Variants in AMOTL1 observed in about 807,000 individuals in gnomAD.
AMOTL1 encodes the protein angiomotin-like protein 1.
AMOTL1 carries 45 observed loss-of-function variants against 102.9 expected under a neutral mutation model. That is an observed-to-expected ratio of 0.44 (90% CI 0.34 to 0.56). The LOEUF (loss-of-function observed/expected upper bound fraction) is 0.56, where lower values mean the gene tolerates loss of function less well. Among genes scored for constraint, AMOTL1 ranks in the 20% least tolerant of loss-of-function variants. The pLI, the probability that AMOTL1 is intolerant of heterozygous loss-of-function variation, is 0.01. For synonymous variants in AMOTL1, 481 were observed against 484.7 expected (o/e 0.99, Z 0.10); for missense variants, 1,114 against 1,225.6 (o/e 0.91, Z 1.36).
intron 8 of AMOTL1, among the ~76,000 whole-genome samples, chr11:94,856,847 CT>C (rs933717016): frequency 5.3e-5 from 8 of 152,338 alleles, no homozygotes; most frequent in Admixed American, 1.3e-4. Flanking sequence ...GCTTAGAGTT[CT>C]TGTTGAATCA....
intron 11 of AMOTL1, 76 bp downstream of exon 11, chr11:94,866,244 G>A: frequency 7.1e-7 from 1 of 1,402,902 alleles, no homozygotes; most frequent in Non-Finnish European, 9.9e-7. Context: ...ATGGGACACG[G>A]AAATGTCCCT....
At position 94,803,612 on chromosome 11, in the gene AMOTL1, A is replaced by G. The variant is rs529129445; in HGVS notation, c.1121+3301A>G. On this transcript the variant is annotated intron_variant, in intron 3 of 12. Coordinates refer to ENST00000433060, the MANE Select transcript of AMOTL1 (RefSeq NM_130847.3). ...TGTGACCACTCCCAACCCCCCAAGC[A>G]AAGGCAAGCATTTGGATATTACTTA... 3.3e-5 allele frequency among the ~76,000 whole-genome samples: 5 copies of G among 152,342 alleles called. 1 individual carries two copies. In the South Asian group the frequency reaches 1.0e-3, roughly 32 times the overall value.
chr11:94,821,872 ATGGGG>A, intron 4 of AMOTL1, 51 bp downstream of exon 4: 1 of 1,589,878 alleles, frequency 6.3e-7, no homozygotes, highest in East Asian at 2.2e-5. Context: ...TTACCTGGTC[ATGGGG>A]AGTTGATGCA....
intron 9 of AMOTL1, among the ~76,000 whole-genome samples, chr11:94,864,359 T>C (rs1565387141): frequency 6.6e-6 from 1 of 152,202 alleles, no homozygotes; most frequent in Admixed American, 6.5e-5. Flanking sequence ...ATACATAATG[T>C]AGTCAGAAGG....
At chr11:94,780,358 T>C (rs796072969) in intron 1 of AMOTL1, among the ~76,000 whole-genome samples, 57 of 152,346 alleles carry the variant, frequency 3.7e-4, no homozygotes, top group African/African-American at 1.3e-3. Flanking sequence ...GACAATACCA[T>C]GTAGCCTTTT....
chr11:94,793,667 A>T (rs1274260859), intron 1 of AMOTL1, among the ~76,000 whole-genome samples: 1 of 152,184 alleles, frequency 6.6e-6, no homozygotes, highest in African/African-American at 2.4e-5. Context: ...GACGTAGAGG[A>T]TGATGCCCGG....
At chr11:94,712,364 A>G (rs1385058280) in intron 1 of AMOTL1, among the ~76,000 whole-genome samples, 2 of 152,110 alleles carry the variant, frequency 1.3e-5, no homozygotes, top group African/African-American at 4.8e-5. Context: ...TGAATTAAAG[A>G]TTTAAATGTA....
At chr11:94,819,805 C>T (rs188624894) in intron 3 of AMOTL1, among the ~76,000 whole-genome samples, 2 of 152,174 alleles carry the variant, frequency 1.3e-5, no homozygotes, top group Non-Finnish European at 2.9e-5. Flanking sequence ...TGAGATCTGT[C>T]TCAGATACTT....
At chr11:94,776,406 T>C (rs978992264) in intron 1 of AMOTL1, among the ~76,000 whole-genome samples, 1 of 152,236 alleles carries the variant, frequency 6.6e-6, no homozygotes, top group African/African-American at 2.4e-5. Context: ...CCTGGACTAT[T>C]GTGATAGCCA....
intron 3 of AMOTL1, among the ~76,000 whole-genome samples, chr11:94,758,775 CTG>C (rs975068230): frequency 3.9e-5 from 6 of 152,188 alleles, no homozygotes; most frequent in Admixed American, 3.3e-4. Context: ...ATTTGAATGA[CTG>C]TGAAAACATG....
chr11:94,728,953 A>C, exon 2 of AMOTL1: 12 of 1,287,784 alleles, frequency 9.3e-6, no homozygotes, highest in Non-Finnish European at 1.1e-5. Context: ...AAAGCTATAC[A>C]TACAAGGGGC....
chr11:94,776,277 C>T (rs77491961), intron 1 of AMOTL1, among the ~76,000 whole-genome samples: 7,645 of 152,254 alleles, frequency 0.05, 480 homozygotes, highest in East Asian at 0.28. Flanking sequence ...TCTCCTTGCC[C>T]ACCCTACATC....
chr11:94,822,712 A>T (rs775847982), intron 4 of AMOTL1, among the ~76,000 whole-genome samples: 2 of 152,168 alleles, frequency 1.3e-5, no homozygotes, highest in South Asian at 2.1e-4. Context: ...TTACAGATTT[A>T]TGCTGAGAGC....
Position 94,850,188 on chromosome 11 carries a change from C to G in AMOTL1, c.1723C>G (p.Arg575Gly). The G allele has an allele frequency of 6.3e-7, 1 of 1,593,634 alleles. No individual in the cohort carries two copies. Among genetic ancestry groups the G allele is most frequent in the Non-Finnish European group, 8.5e-7 (1 of 1,169,804 alleles). ...AGTGCGGACTGCAAGTGAGGACCAT[C>G]GGAGACACATCGAGATCCTGGACCA... is the stretch of plus-strand genomic sequence containing the variant. ...AAVRTASEDH[R>G]RHIEILDQAL... Residue 575 changes from arginine (R) to glycine (G), a missense_variant, in exon 7 of 13, where the codon CGG becomes GGG. Transcript: ENST00000433060.
At chr11:94,767,662 C>T (rs1271207246), upstream of AMOTL1, among the ~76,000 whole-genome samples, 1 of 152,126 alleles carries the variant, frequency 6.6e-6, no homozygotes, top group Admixed American at 6.5e-5. Flanking sequence ...CAGTATAAAC[C>T]AATATAATGA....
In AMOTL1 at chr11:94,850,188, C is replaced by T. The variant is rs199710090; in HGVS notation, c.1723C>T (p.Arg575Trp). 3.6e-5 allele frequency: 58 copies of T among 1,593,634 alleles called. No individual in the cohort carries two copies. The highest frequency in any genetic ancestry group is 2.3e-4 in the East Asian group (10 of 44,174). Reference protein sequence around the residue: ...AAVRTASEDHRRHIEILDQAL... With the variant: ...AAVRTASEDHWRHIEILDQAL... ...AGTGCGGACTGCAAGTGAGGACCATCGGAGACACATCGAGATCCTGGACCA... is the reference window on the plus strand; with the variant it reads ...AGTGCGGACTGCAAGTGAGGACCATTGGAGACACATCGAGATCCTGGACCA... Residue 575 changes from arginine (R) to tryptophan (W), a missense_variant, in exon 7 of 13, where the codon CGG becomes TGG. Arg to Trp is a moderately radical substitution (Grantham distance 101). Transcript: ENST00000433060.
intron 3 of AMOTL1, among the ~76,000 whole-genome samples, chr11:94,810,539 C>CACT (rs1229958344): frequency 6.9e-6 from 1 of 144,682 alleles, no homozygotes; most frequent in Non-Finnish European, 1.5e-5. Flanking sequence ...TGAGGTAATA[C>CACT]ACTAGTAAAG....
intron 4 of AMOTL1, 148 bp downstream of exon 4, chr11:94,821,969 G>A: frequency 9.1e-7 from 1 of 1,094,858 alleles, no homozygotes; most frequent in Non-Finnish European, 1.3e-6. Context: ...AAATAAATAT[G>A]ACCCAGTTCC....
intron 3 of AMOTL1, among the ~76,000 whole-genome samples, chr11:94,761,790 C>T (rs922505677): frequency 2.0e-4 from 30 of 152,140 alleles, no homozygotes; most frequent in Admixed American, 2.0e-4. Flanking sequence ...TTCCCCACTT[C>T]TCTGTCTTTC....
Sources: allele counts gnomAD v4.1 joint callset (sites outside exome capture counted in the v4.1 genomes callset), GRCh38; gene constraint gnomAD v4.1.1; transcripts MANE v1.5; gene names NCBI Gene and HGNC (gene_info 2026-07-23, HGNC 2026-07-21).